NAALADL2: variants seen among roughly 807,000 people sequenced by gnomAD.
The protein encoded by NAALADL2 is inactive N-acetylated-alpha-linked acidic dipeptidase-like protein 2.
A neutral mutation model predicts 87.2 loss-of-function variants in NAALADL2; 76 were observed. That is an observed-to-expected ratio of 0.87 (90% CI 0.72 to 1.05). The LOEUF (loss-of-function observed/expected upper bound fraction) is 1.05, where lower values mean the gene tolerates loss of function less well. Among genes scored for constraint, NAALADL2 ranks in the 50% least tolerant of loss-of-function variants. The probability of loss-of-function intolerance (pLI) is 0.00; values close to 1 mark genes in which losing one functional copy is unlikely to be tolerated. For synonymous variants in NAALADL2, 354 were observed against 331.0 expected (o/e 1.07, Z -0.75); for missense variants, 1,089 against 945.8 (o/e 1.15, Z -1.99).
At chr3:175,750,137 A>C (rs1319784396) in intron 12 of NAALADL2, among the ~76,000 whole-genome samples, 1 of 152,154 alleles carries the variant, frequency 6.6e-6, no homozygotes, top group Non-Finnish European at 1.5e-5. Flanking sequence ...TCTTAACCAG[A>C]TGTATAATTA....
chr3:174,473,367 C>T (rs1207367896), intron 1 of NAALADL2, among the ~76,000 whole-genome samples: 4 of 152,174 alleles, frequency 2.6e-5, no homozygotes, highest in African/African-American at 9.7e-5. Context: ...TATCTCCATA[C>T]TCACTTTTCA....
chr3:175,323,153 C>T (rs1760149722), intron 4 of NAALADL2, among the ~76,000 whole-genome samples: 1 of 148,598 alleles, frequency 6.7e-6, no homozygotes, highest in South Asian at 2.2e-4. Context: ...GAATACTATG[C>T]AGCCATAAAA....
intron 3 of NAALADL2, among the ~76,000 whole-genome samples, chr3:174,837,798 AAAAC>A (rs767078272): frequency 8.5e-5 from 13 of 152,058 alleles, no homozygotes; most frequent in Non-Finnish European, 1.3e-4. Flanking sequence ...TGTCTCAAAA[AAAAC>A]AAACACAAAA....
rs1185422439 is a variant in NAALADL2, at chr3:175,467,089, A to G, written c.1438A>G (p.Lys480Glu). 3.7e-6 allele frequency: 6 copies of G among 1,613,820 alleles called. No homozygotes were observed. The highest frequency in any genetic ancestry group is 1.3e-5 in the African/African-American group (1 of 74,928). The change falls in exon 8 of 14, where the codon AAA becomes GAA. Residue 480 changes from lysine (K) to glutamate (E), a missense_variant. By Grantham distance (56) the Lys-to-Glu change is moderately conservative. Coordinates refer to ENST00000454872, the MANE Select transcript of NAALADL2 (RefSeq NM_207015.3). ...ITAFIRALMS[K>E]VKRGWRPDRT... ...AGCGTTTATCCGTGCCTTGATGTCA[A>G]AAGTTAAGAGAGGGTGGAGACCAGA...
chr3:175,333,169 A>G (rs1761597136), intron 5 of NAALADL2, among the ~76,000 whole-genome samples: 1 of 152,114 alleles, frequency 6.6e-6, no homozygotes, highest in African/African-American at 2.4e-5. Context: ...GGTAGCTTCA[A>G]TGGGCCAGTC....
chr3:174,909,844 G>A lies in NAALADL2; in HGVS notation c.43+50394G>A, dbSNP rs1733464484. The stretch of plus-strand genomic sequence containing the variant: ...AATTGTCAGCTGTTTTTATTATTTC[G>A]ATTTCCTTTAGGATTCCCAGGCAAG... On this transcript the variant is annotated intron_variant, in intron 1 of 13. Coordinates refer to ENST00000454872, the MANE Select transcript of NAALADL2 (RefSeq NM_207015.3). Among the ~76,000 whole-genome samples the A allele has an allele frequency of 3.9e-5, 6 of 151,958 alleles. No individual in the cohort carries two copies. The South Asian group carries it at 8.3e-4, about 21-fold the overall frequency.
intron 3 of NAALADL2, among the ~76,000 whole-genome samples, chr3:174,780,969 G>C (rs1404276048): frequency 2.6e-5 from 4 of 152,010 alleles, no homozygotes; most frequent in Non-Finnish European, 5.9e-5. Flanking sequence ...TGTAAGGCAG[G>C]TGACATGGTG....
intron 5 of NAALADL2, chr3:175,397,162 T>C (rs1262139584): frequency 6.6e-6 from 1 of 152,172 alleles, no homozygotes; most frequent in East Asian, 1.9e-4. Context: ...TATTGCCCAC[T>C]TGAGAATTTA....
intron 1 of NAALADL2, among the ~76,000 whole-genome samples, chr3:174,903,448 TG>T (rs1446493906): frequency 1.3e-5 from 2 of 151,998 alleles, no homozygotes; most frequent in African/African-American, 4.8e-5. Context: ...GGCCTGGAAA[TG>T]GGTGATAGGT....
chr3:174,539,268 C>G lies in NAALADL2; in HGVS notation c.-183-11301C>G, dbSNP rs192569279. On this transcript the variant is annotated intron_variant, in intron 1 of 3. Transcript: ENST00000434257. ...TACATTACAAAAGCTTTCTTTTACACACACAGAGATGAAATGATAGCTATC... is the reference window on the plus strand; with the variant it reads ...TACATTACAAAAGCTTTCTTTTACAGACACAGAGATGAAATGATAGCTATC... Among the ~76,000 whole-genome samples the G allele has an allele frequency of 2.0e-5, 3 of 152,028 alleles. No homozygotes were observed. The South Asian group carries it at 6.2e-4, about 32-fold the overall frequency.
At chr3:174,446,938 G>A (rs1442098543) in intron 1 of NAALADL2, among the ~76,000 whole-genome samples, 1 of 152,074 alleles carries the variant, frequency 6.6e-6, no homozygotes, top group African/African-American at 2.4e-5. Context: ...AAGAAACCTT[G>A]TGGTTCTGGA....
At chr3:175,522,542 T>C (rs530501401) in intron 9 of NAALADL2, among the ~76,000 whole-genome samples, 104 of 152,324 alleles carry the variant, frequency 6.8e-4, no homozygotes, top group African/African-American at 2.3e-3. Context: ...GTGATCAGAA[T>C]AGGAGGTGAG....
intron 2 of NAALADL2, among the ~76,000 whole-genome samples, chr3:174,583,783 G>A (rs967555600): frequency 5.9e-5 from 9 of 152,020 alleles, no homozygotes; most frequent in African/African-American, 2.2e-4. Context: ...CATTTCAAAG[G>A]TTGAAATGAA....
At chr3:175,209,927 A>G (rs1233734562) in intron 2 of NAALADL2, among the ~76,000 whole-genome samples, 1 of 151,940 alleles carries the variant, frequency 6.6e-6, no homozygotes, top group East Asian at 1.9e-4. Flanking sequence ...TTCGTTTTCA[A>G]TAAAGCAGTA....
intron 11 of NAALADL2, among the ~76,000 whole-genome samples, chr3:175,662,413 A>G (rs1170643749): frequency 1.3e-5 from 2 of 151,994 alleles, no homozygotes; most frequent in African/African-American, 2.4e-5. Flanking sequence ...TTTTCTAAAT[A>G]TAAGATCATG....
intron 2 of NAALADL2, among the ~76,000 whole-genome samples, chr3:175,118,127 G>T (rs1036854075): frequency 6.6e-6 from 1 of 151,620 alleles, no homozygotes; most frequent in Non-Finnish European, 1.5e-5. Context: ...GGGTGGGGGG[G>T]AGGCCAGTCA....
Position 175,233,960 on chromosome 3 carries a change from A to T in NAALADL2, c.575A>T (p.Asp192Val). The T allele has an allele frequency of 6.3e-7, 1 of 1,594,508 alleles. No individual in the cohort carries two copies. Among genetic ancestry groups the T allele is most frequent in the Non-Finnish European group, 8.6e-7 (1 of 1,165,990 alleles). The change falls in exon 3 of 14, where the codon GAT becomes GTT. Residue 192 changes from aspartate (D) to valine (V), a missense_variant. Transcript: ENST00000454872. ...TTGGTACAACTATATAAAAATGAAG[A>T]TGACATGGAAATTTCAAAGAAGATT... ...RNLVQLYKNE[D>V]DMEISKKIKT...
intron 3 of NAALADL2, among the ~76,000 whole-genome samples, chr3:174,806,105 C>A (rs1719443187): frequency 6.6e-6 from 1 of 152,062 alleles, no homozygotes; most frequent in Non-Finnish European, 1.5e-5. Flanking sequence ...GTAATTAGGC[C>A]CTTTCTATAT....
chr3:175,199,074 AT>A (rs1183446356), intron 2 of NAALADL2, among the ~76,000 whole-genome samples: 1 of 152,118 alleles, frequency 6.6e-6, no homozygotes, highest in Non-Finnish European at 1.5e-5. Context: ...CTATACAATT[AT>A]TTTGCCTTTG....
Sources: allele counts gnomAD v4.1 joint callset (sites outside exome capture counted in the v4.1 genomes callset), GRCh38; gene constraint gnomAD v4.1.1; transcripts MANE v1.5; gene names NCBI Gene and HGNC (gene_info 2026-07-23, HGNC 2026-07-21).